HHAT: variants seen among roughly 807,000 people sequenced by gnomAD.
The protein encoded by HHAT is hedgehog acyltransferase.
Under a neutral mutation model 70.8 loss-of-function variants are expected in HHAT, and 47 were observed. The observed-to-expected ratio is 0.66, with a 90% CI of 0.53 to 0.85. The LOEUF is 0.85. Ranked by LOEUF, HHAT falls within the 40% of genes least tolerant of loss-of-function variation. The probability of loss-of-function intolerance (pLI) is 0.00; values close to 1 mark genes in which losing one functional copy is unlikely to be tolerated. For missense variants in HHAT, 609 were observed against 604.8 expected, an observed-to-expected ratio of 1.01 and a Z score of -0.07; for synonymous variants, 228 against 247.6, an observed-to-expected ratio of 0.92 and a Z score of 0.74.
At chr1:210,662,229 G>A (rs904387423) in intron 11 of HHAT, among the ~76,000 whole-genome samples, 6 of 152,226 alleles carry the variant, frequency 3.9e-5, no homozygotes, top group Admixed American at 3.3e-4. Context: ...CTCAGCCTTC[G>A]GTGGCACCTT....
chr1:210,456,952 C>A (rs1455850123), intron 7 of HHAT, among the ~76,000 whole-genome samples: 1 of 152,186 alleles, frequency 6.6e-6, no homozygotes, highest in Non-Finnish European at 1.5e-5. Flanking sequence ...GGCAGCTGTT[C>A]CTCAGTTCTG....
At chr1:210,485,250 A>G (rs2094457115) in intron 8 of HHAT, among the ~76,000 whole-genome samples, 1 of 152,152 alleles carries the variant, frequency 6.6e-6, no homozygotes, top group South Asian at 2.1e-4. Context: ...ACTTTTTAAC[A>G]TGCCAGCTCC....
intron 4 of HHAT, among the ~76,000 whole-genome samples, chr1:210,388,173 G>T (rs2091219094): frequency 6.6e-6 from 1 of 152,230 alleles, no homozygotes; most frequent in Non-Finnish European, 1.5e-5. Context: ...GGGGGCCAGG[G>T]TATTGCCCAG....
intron 11 of HHAT, among the ~76,000 whole-genome samples, chr1:210,664,750 A>G (rs1678526006): frequency 6.6e-6 from 1 of 152,242 alleles, no homozygotes; most frequent in Non-Finnish European, 1.5e-5. Context: ...GCAGAACCAC[A>G]TGTGACCCCT....
intron 8 of HHAT, among the ~76,000 whole-genome samples, chr1:210,490,550 C>T (rs2094535419): frequency 6.6e-6 from 1 of 152,186 alleles, no homozygotes; most frequent in Non-Finnish European, 1.5e-5. Flanking sequence ...AGAGGTGATA[C>T]TGATATTCTG....
At chr1:210,483,533 C>T (rs1469362793) in intron 8 of HHAT, among the ~76,000 whole-genome samples, 2 of 152,148 alleles carry the variant, frequency 1.3e-5, no homozygotes, top group South Asian at 2.1e-4. Flanking sequence ...TTTCTTCCAG[C>T]TTTAGGTTCT....
At chr1:210,428,191 A>G (rs1357396405) in intron 7 of HHAT, among the ~76,000 whole-genome samples, 1 of 149,942 alleles carries the variant, frequency 6.7e-6, no homozygotes, top group African/African-American at 2.5e-5. Flanking sequence ...TCCAGAGATC[A>G]GTACTGATAA....
intron 10 of HHAT, 83 bp downstream of exon 10, chr1:210,588,182 C>T (rs1222913212): frequency 2.6e-6 from 3 of 1,164,160 alleles, no homozygotes; most frequent in Non-Finnish European, 3.6e-6. Flanking sequence ...ATCAGATTCC[C>T]TGCCCCCACT....
chr1:210,672,058 A>T (rs1211450909), intron 11 of HHAT, among the ~76,000 whole-genome samples: 1 of 152,202 alleles, frequency 6.6e-6, no homozygotes, highest in Non-Finnish European at 1.5e-5. Flanking sequence ...GGCACTGTGC[A>T]AGTCTTTACA....
Position 210,535,772 on chromosome 1 carries a change from T to TCC in HHAT, c.1043+22585_1043+22586insCC, listed in dbSNP as rs569584588. Among the ~76,000 whole-genome samples the TCC allele has an allele frequency of 4.5e-3, 679 of 152,246 alleles. 4 individuals are homozygous for TCC. The highest frequency in any genetic ancestry group is 0.016 in the African/African-American group (656 of 41,520). On this transcript the variant is annotated intron_variant, in intron 9 of 11. Transcript: ENST00000261458. ...TTGAAAATTTGGAGGTGGGGAAGAC[T>TCC]CTGTGAATAGCACATCAACAAATAA... is the stretch of plus-strand genomic sequence containing the variant.
At chr1:210,577,636 G>GTTTTTTTTTT in intron 9 of HHAT, among the ~76,000 whole-genome samples, 4 of 93,484 alleles carry the variant, frequency 4.3e-5, no homozygotes, top group Middle Eastern at 6.2e-3. Context: ...TGGCCTGTAG[G>GTTTTTTTTTT]ATTTTTTTTT....
intron 2 of HHAT, among the ~76,000 whole-genome samples, chr1:210,350,450 A>T (rs2147977466): frequency 6.6e-6 from 1 of 152,272 alleles, no homozygotes; most frequent in South Asian, 2.1e-4. Context: ...GATTTCTTTC[A>T]TGAGAGTTTT....
chr1:210,416,169 G>A (rs2092715108), intron 6 of HHAT, among the ~76,000 whole-genome samples: 1 of 152,238 alleles, frequency 6.6e-6, no homozygotes. Flanking sequence ...CCCCTGCCGT[G>A]TAGCTCTCTC....
Position 210,391,367 on chromosome 1 carries a change from CAGAG to C in HHAT, c.273+3788_273+3791del, listed in dbSNP as rs149121759. Among the ~76,000 whole-genome samples the C allele has an allele frequency of 1.5e-3, 224 of 152,096 alleles. 1 individual carries two copies. Among genetic ancestry groups the C allele is most frequent in the Non-Finnish European group, 2.5e-3 (173 of 67,984 alleles). ...CATAGAATATTGATGTTGGCACAGA[CAGAG>C]ATTTTTTTATACAAGACACAAAAAG... On this transcript the variant is annotated intron_variant, in intron 4 of 11. Coordinates refer to ENST00000261458, the MANE Select transcript of HHAT (RefSeq NM_018194.6).
At chr1:210,543,878 G>A (rs2069154) in intron 9 of HHAT, among the ~76,000 whole-genome samples, 44,844 of 151,854 alleles carry the variant, frequency 0.3, 6,713 homozygotes, top group Middle Eastern at 0.38. Context: ...CTCATATCCA[G>A]TCCCAGCTCA....
intron 10 of HHAT, among the ~76,000 whole-genome samples, chr1:210,609,799 A>G (rs1251324595): frequency 2.6e-5 from 4 of 152,148 alleles, no homozygotes; most frequent in Non-Finnish European, 5.9e-5. Context: ...TGCTGAGGAT[A>G]ATGGCTTTCA....
At position 210,404,639 on chromosome 1, in the gene HHAT, A is replaced by G. The variant is rs1443167558; in HGVS notation, c.644A>G (p.His215Arg). ...TATGTCTTTTATTATCCAGTCTTACACAATGGGCCCATCCTCAGCTTCTCG... is the reference window on the plus strand; with the variant it reads ...TATGTCTTTTATTATCCAGTCTTACGCAATGGGCCCATCCTCAGCTTCTCG... ...LAYVFYYPVL[H>R]NGPILSFSEF... The change falls in exon 6 of 12, where the codon CAC (histidine) becomes CGC (arginine). Residue 215 changes from histidine (H) to arginine (R), a missense_variant. His to Arg is a conservative substitution (Grantham distance 29, BLOSUM62 0). Transcript: ENST00000261458. The G allele has an allele frequency of 1.2e-6, 2 of 1,614,118 alleles. No individual in the cohort carries two copies. The highest frequency in any genetic ancestry group is 2.2e-5 in the South Asian group (2 of 91,070).
intron 7 of HHAT, among the ~76,000 whole-genome samples, chr1:210,433,948 G>A (rs1210350642): frequency 6.6e-6 from 1 of 151,886 alleles, no homozygotes; most frequent in Non-Finnish European, 1.5e-5. Flanking sequence ...TGCCCCCACT[G>A]TGGCTGGCCC....
At chr1:210,627,626 G>A (rs1670067933) in intron 11 of HHAT, among the ~76,000 whole-genome samples, 1 of 152,044 alleles carries the variant, frequency 6.6e-6, no homozygotes, top group Non-Finnish European at 1.5e-5. Context: ...TAGGGCTCTG[G>A]TAATATGTCA....
Sources: gnomAD v4.1 joint callset for allele counts (sites outside exome capture counted in the v4.1 genomes callset) on GRCh38, gnomAD v4.1.1 for gene constraint, MANE v1.5 for transcripts, NCBI Gene and HGNC (gene_info 2026-07-23, HGNC 2026-07-21) for gene names.